The following C1orf216 variants were observed in gnomAD, a reference collection of about 807,000 sequenced individuals.
C1orf216 encodes the protein chromosome 1 open reading frame 216.
In C1orf216, 18 loss-of-function variants were observed where a neutral mutation model predicts 16.4. The observed-to-expected ratio is 1.10, with a 90% CI of 0.76 to 1.63. The LOEUF is 1.63. Among genes scored for constraint, C1orf216 ranks in the 40% most tolerant of loss-of-function variants. The probability of loss-of-function intolerance (pLI) is 0.00; values close to 1 mark genes in which losing one functional copy is unlikely to be tolerated. For missense variants in C1orf216, 271 were observed against 297.6 expected (o/e 0.91, Z 0.66); for synonymous variants, 115 against 116.9 (o/e 0.98, Z 0.11).
chr1:35,718,226 T>C (rs1030522466), intron 1 of C1orf216, among the ~76,000 whole-genome samples: 1 of 152,046 alleles, frequency 6.6e-6, no homozygotes, highest in Non-Finnish European at 1.5e-5. Flanking sequence ...TTGAAGAGCA[T>C]GAAGAGGAAG....
In C1orf216 at chr1:35,715,105, A is replaced by G. The variant is rs1487613492; in HGVS notation, c.*527T>C. 2 of 160,196 alleles carry G rather than the reference A, an allele frequency of 1.2e-5. No individual in the cohort carries two copies. The highest frequency in any genetic ancestry group is 4.8e-5 in the African/African-American group (2 of 41,590). The allele number at this position is 160,196 out of a possible 1,614,324, so 9.9% of individuals were successfully genotyped here. On this transcript the variant is annotated 3_prime_UTR_variant, in exon 2 of 2. Transcript: ENST00000270815. The surrounding 1 kb of genome is among the most constrained non-coding windows in gnomAD (Gnocchi z 4.3). ...GGGTGGACACCCACAGTGCAGCTGG[A>G]TATGTATTTGCACACACCTGCTCAT...
rs1040315372 is a variant in C1orf216, at chr1:35,715,522, A to G, written c.*110T>C. ...CACCAGCCTACATGTTAGCACATAC[A>G]CACTCATGCCTACCTGCAATCATGC... On this transcript the variant is annotated 3_prime_UTR_variant, in exon 2 of 2. Coordinates refer to ENST00000270815, the MANE Select transcript of C1orf216 (RefSeq NM_152374.2). This position sits in a 1 kb window ranked among gnomAD's most constrained non-coding sequence, Gnocchi z 4.3. The G allele has an allele frequency of 4.9e-6, 6 of 1,224,990 alleles. No homozygotes were observed. Among genetic ancestry groups the G allele is most frequent in the Non-Finnish European group, 6.8e-6 (6 of 885,760 alleles). The allele number at this position is 1,224,990 out of a possible 1,614,324, so 75.9% of individuals were successfully genotyped here. A position where few individuals can be genotyped will look rare whatever the true frequency, so the allele number is the denominator to read the frequency against.
chr1:35,716,537 C>G, intron 1 of C1orf216: 1 of 586,852 alleles, frequency 1.7e-6, no homozygotes, highest in Non-Finnish European at 3.0e-6. Context: ...GGTTTTTCCT[C>G]CGTCCTCAGA....
intron 1 of C1orf216, chr1:35,716,762 C>G (rs1005827914): frequency 3.6e-5 from 6 of 168,964 alleles, no homozygotes; most frequent in Admixed American, 5.6e-5. Flanking sequence ...TTTGGGAGGC[C>G]GAGGCAGGCA....
At position 35,715,157 on chromosome 1, in the gene C1orf216, C is replaced by T. The variant is rs916973304; in HGVS notation, c.*475G>A. 2 of 182,016 alleles carry T rather than the reference C, an allele frequency of 1.1e-5. No homozygotes were observed. Among genetic ancestry groups the T allele is most frequent in the African/African-American group, 4.7e-5 (2 of 42,522 alleles). The allele number at this position is 182,016 out of a possible 1,614,324, so 11.3% of individuals were successfully genotyped here. A position where few individuals can be genotyped will look rare whatever the true frequency, so the allele number is the denominator to read the frequency against. On this transcript the variant is annotated 3_prime_UTR_variant, in exon 2 of 2. Transcript: ENST00000270815. The surrounding 1 kb of genome is among the most constrained non-coding windows in gnomAD (Gnocchi z 4.3). ...AGTCTGCCTACAAACACACATGCTC[C>T]TAACATACACCTCCCATGCCTGTGG...
chr1:35,716,073 G>C lies in C1orf216; in HGVS notation c.249C>G (p.Ser83Arg). The C allele has an allele frequency of 6.2e-7, 1 of 1,614,148 alleles. No homozygotes were observed. The highest frequency in any genetic ancestry group is 8.5e-7 in the Non-Finnish European group (1 of 1,180,026). The change falls in exon 2 of 2, where the codon AGC becomes AGG. Residue 83 changes from serine to arginine, a missense_variant. Coordinates refer to ENST00000270815, the MANE Select transcript of C1orf216 (RefSeq NM_152374.2). The part of the protein sequence containing the change: ...APGSPEEGVR[S>R]PPEGAEIPGA... ...CGGGAATCTCTGCCCCCTCTGGGGG[G>C]CTGCGCACCCCTTCCTCAGGGGATC...
chr1:35,715,859 G>C lies in C1orf216; in HGVS notation c.463C>G (p.Gln155Glu). The C allele has an allele frequency of 6.2e-7, 1 of 1,614,252 alleles. No individual in the cohort carries two copies. Among genetic ancestry groups the C allele is most frequent in the Non-Finnish European group, 8.5e-7 (1 of 1,180,028 alleles). Residue 155 changes from glutamine (Q) to glutamate (E), a missense_variant, in exon 2 of 2, where the codon CAA (glutamine) becomes GAA (glutamate). Around this residue, in one of 3 missense-constraint regions of C1orf216, gnomAD observed 220 missense variants for 227.8 expected, o/e 0.97. Coordinates refer to ENST00000270815, the MANE Select transcript of C1orf216 (RefSeq NM_152374.2). The surrounding 1 kb of genome is among the most constrained non-coding windows in gnomAD (Gnocchi z 4.3). ...PSVAQAVQHL[Q>E]VQERYKEQEK... ...TGCTCTTTGTAGCGCTCCTGGACTT[G>C]TAAGTGCTGCACAGCCTGGGCCACT...
intron 1 of C1orf216, among the ~76,000 whole-genome samples, chr1:35,717,890 T>C (rs1262573803): frequency 6.6e-6 from 1 of 152,198 alleles, no homozygotes; most frequent in Non-Finnish European, 1.5e-5. Flanking sequence ...TGAATTTCCA[T>C]GCTCAGGAAT....
chr1:35,718,112 A>G (rs540001431), intron 1 of C1orf216, among the ~76,000 whole-genome samples: 11 of 152,152 alleles, frequency 7.2e-5, no homozygotes, highest in Non-Finnish European at 1.6e-4. Flanking sequence ...GAGGGAGGGC[A>G]TACCACACCA....
Position 35,716,334 on chromosome 1 carries a change from G to T in C1orf216, c.-5-8C>A, listed in dbSNP as rs998356165. 1 of 1,601,606 alleles carries T rather than the reference G, an allele frequency of 6.2e-7. No individual in the cohort carries two copies. Among genetic ancestry groups the T allele is most frequent in the Non-Finnish European group, 8.5e-7 (1 of 1,173,836 alleles). ...GGATGGCGAACATCTAGCCTGTAAAGGGAAAGCAGGAGACCGAGTCACAGT... is the reference window on the plus strand; with the variant it reads ...GGATGGCGAACATCTAGCCTGTAAATGGAAAGCAGGAGACCGAGTCACAGT... On this transcript the variant is annotated splice_region_variant and splice_polypyrimidine_tract_variant and intron_variant, in intron 1 of 1. Transcript: ENST00000270815.
intron 1 of C1orf216, 57 bp from the exon 2 acceptor site, chr1:35,716,383 T>G: frequency 6.9e-7 from 1 of 1,454,820 alleles, no homozygotes. Flanking sequence ...GTGCCTGAAG[T>G]CAGGGCAACT....
Position 35,716,230 on chromosome 1 carries a change from C to T in C1orf216, c.92G>A (p.Ser31Asn), listed in dbSNP as rs1301838621. The T allele has an allele frequency of 1.2e-6, 2 of 1,614,252 alleles. No individual in the cohort carries two copies. Among genetic ancestry groups the T allele is most frequent in the Non-Finnish European group, 1.7e-6 (2 of 1,180,050 alleles). Residue 31 changes from serine (S) to asparagine (N), a missense_variant, in exon 2 of 2, where the codon AGC becomes AAC. Coordinates refer to ENST00000270815, the MANE Select transcript of C1orf216 (RefSeq NM_152374.2). ...GGCACTTGCCATGAAGTTGGAGTTG[C>T]TGTCTGGTTGGAGCTCGGGCTGACA... ...GLCQPELQPDSNSNFMASAKD... is the reference protein window; with the variant it reads ...GLCQPELQPDNNSNFMASAKD...
Position 35,714,064 on chromosome 1 carries a change from TAGGG to T in C1orf216, c.*1564_*1567del, listed in dbSNP as rs1311213010. On this transcript the variant is annotated 3_prime_UTR_variant, in exon 2 of 2. Transcript: ENST00000270815. ...TAGGAAGAGCCCCCCACTTTGCCGA[TAGGG>T]AGACTGAGGGCCAGAGGCTGCATCA... The T allele has an allele frequency of 1.3e-5, 2 of 151,994 alleles. No individual in the cohort carries two copies. The highest frequency in any genetic ancestry group is 1.3e-4 in the Admixed American group (2 of 15,242). 9.4% of individuals were successfully genotyped at this position (151,994 alleles called of 1,614,324 possible).
chr1:35,717,895 A>G (rs1196617893), intron 1 of C1orf216, among the ~76,000 whole-genome samples: 1 of 152,214 alleles, frequency 6.6e-6, no homozygotes, highest in Non-Finnish European at 1.5e-5. Context: ...TTCCATGCTC[A>G]GGAATCCACT....
chr1:35,715,346 G>T lies in C1orf216; in HGVS notation c.*286C>A, dbSNP rs530262305. 6 of 464,708 alleles carry T rather than the reference G, an allele frequency of 1.3e-5. No individual in the cohort carries two copies. The East Asian group carries it at 2.4e-4, about 18-fold the overall frequency. The allele number at this position is 464,708 out of a possible 1,614,324, so 28.8% of individuals were successfully genotyped here. On this transcript the variant is annotated 3_prime_UTR_variant, in exon 2 of 2. Transcript: ENST00000270815. This position sits in a 1 kb window ranked among gnomAD's most constrained non-coding sequence, Gnocchi z 4.3. ...GTACCTGTCTACACATGCACATACC[G>T]AGTTCCTCATTCTTACATACTACAC...
intron 1 of C1orf216, among the ~76,000 whole-genome samples, chr1:35,718,383 G>A (rs1224270157): frequency 1.3e-5 from 2 of 152,164 alleles, no homozygotes; most frequent in South Asian, 2.1e-4. Context: ...TTGTGGGAAG[G>A]TGCCTAGAGA....
intron 1 of C1orf216, among the ~76,000 whole-genome samples, chr1:35,717,545 C>G (rs1176821678): frequency 6.6e-6 from 1 of 152,144 alleles, no homozygotes; most frequent in African/African-American, 2.4e-5. Context: ...GTCCCCATGT[C>G]TCTGAAGCCG....
rs748009387 is a variant in C1orf216, at chr1:35,716,301, C to A, written c.21G>T (p.Gly7=). Reference sequence around the variant, plus strand: ...CCAGGAATTGGCCCCCCTCAGCTAGCCCTGGCTGGATGGCGAACATCTAGC... The same window carrying A: ...CCAGGAATTGGCCCCCCTCAGCTAGACCTGGCTGGATGGCGAACATCTAGC... The part of the protein sequence containing the change: MFAIQP[G]LAEGGQFLGD... Residue 7 remains glycine, a synonymous_variant, in exon 2 of 2, where the codon GGG becomes GGT. Coordinates refer to ENST00000270815, the MANE Select transcript of C1orf216 (RefSeq NM_152374.2). The A allele has an allele frequency of 6.2e-7, 1 of 1,613,290 alleles. No homozygotes were observed. Among genetic ancestry groups the A allele is most frequent in the Non-Finnish European group, 8.5e-7 (1 of 1,179,520 alleles).
intron 1 of C1orf216, among the ~76,000 whole-genome samples, chr1:35,717,500 C>G (rs941550054): frequency 5.3e-5 from 8 of 152,128 alleles, no homozygotes; most frequent in Non-Finnish European, 7.4e-5. Context: ...CCTTTTTGTA[C>G]TTCAAAATTA....
Sources: gnomAD v4.1 joint callset for allele counts (sites outside exome capture counted in the v4.1 genomes callset) on GRCh38, gnomAD v4.1.1 for gene constraint, gnomAD v4.1.1 regional missense constraint, Gnocchi (gnomAD v3.1) non-coding constraint, MANE v1.5 for transcripts, NCBI Gene and HGNC (gene_info 2026-07-23, HGNC 2026-07-21) for gene names.